LPIN2: variants seen among roughly 807,000 people sequenced by gnomAD.
LPIN2 encodes phosphatidate phosphatase LPIN2.
In LPIN2, 55 loss-of-function variants were observed where a neutral mutation model predicts 111.4. That is an observed-to-expected ratio of 0.49 (90% CI 0.40 to 0.62). The LOEUF is 0.62. LPIN2 is among the 20% of genes least tolerant of loss of function. LPIN2 has a pLI of 0.00. For missense variants in LPIN2, 992 were observed against 1,112.1 expected, an observed-to-expected ratio of 0.89 and a Z score of 1.54; for synonymous variants, 425 against 414.0, an observed-to-expected ratio of 1.03 and a Z score of -0.32.
rs183601206 is a variant in LPIN2, at chr18:3,010,594, C to T, written c.-10+2493G>A. Reference sequence around the variant, plus strand: ...GCAAGTCGGGCAAATACACACTCAACGACAGTCACTGGGGTCGGAGTAAAA... The same window carrying T: ...GCAAGTCGGGCAAATACACACTCAATGACAGTCACTGGGGTCGGAGTAAAA... On this transcript the variant is annotated intron_variant, in intron 1 of 19. Coordinates refer to ENST00000677752, the MANE Select transcript of LPIN2 (RefSeq NM_001375808.2). 1.7e-3 allele frequency among the ~76,000 whole-genome samples: 264 copies of T among 152,230 alleles called. 3 individuals are homozygous for T. Among genetic ancestry groups the T allele is most frequent in the East Asian group, 1.3e-3 (7 of 5,186 alleles).
At chr18:2,987,462 T>C (rs2143405769) in intron 1 of LPIN2, among the ~76,000 whole-genome samples, 1 of 152,342 alleles carries the variant, frequency 6.6e-6, no homozygotes, top group Admixed American at 6.5e-5. Flanking sequence ...TATCACAAAA[T>C]GTATCGGCAT....
At chr18:2,946,712 G>A in intron 4 of LPIN2, 2 of 594,758 alleles carry the variant, frequency 3.4e-6, no homozygotes. Flanking sequence ...AATTATAGGT[G>A]CAACATGAAT....
chr18:2,920,863 G>A lies in LPIN2; in HGVS notation c.2461C>T (p.Gln821Ter). 1 of 1,613,312 alleles carries A rather than the reference G, an allele frequency of 6.2e-7. No individual in the cohort carries two copies. ...NRPNDVYAYT[Q>*]VGVPDCRIFT... ...ATTCTACAGTCTGGAACTCCAACTT[G>A]TGTGTAGGCATAGACATCCTGCAGA... The change falls in exon 19 of 20, where the codon CAA becomes TAA. Residue 821 changes from glutamine to a stop codon, truncating the protein, a stop_gained. Transcript: ENST00000677752. LOFTEE classifies it high-confidence loss of function.
chr18:3,007,669 A>G (rs190054440), intron 1 of LPIN2, among the ~76,000 whole-genome samples: 2 of 152,326 alleles, frequency 1.3e-5, no homozygotes, highest in East Asian at 1.9e-4. Flanking sequence ...AGAAAAGCAC[A>G]TTGTTTTACA....
In LPIN2 at chr18:2,946,251, T is replaced by C. The variant is rs533346495; in HGVS notation, c.590+4804A>G. 5.2e-6 allele frequency: 8 copies of C among 1,551,984 alleles called. No individual in the cohort carries two copies. The Admixed American group carries it at 1.2e-4, about 23-fold the overall frequency. On this transcript the variant is annotated intron_variant, in intron 4 of 19. Transcript: ENST00000677752. ...GCGTCTACTGTCTTAGGGGCTTGAA[T>C]GTGTTCCTGAAATTTTGGTTTTAAT...
intron 1 of LPIN2, among the ~76,000 whole-genome samples, chr18:2,978,292 G>A (rs2078052259): frequency 6.6e-6 from 1 of 152,116 alleles, no homozygotes; most frequent in Non-Finnish European, 1.5e-5. Context: ...ATTACAAAAG[G>A]AAAAAATTTT....
At position 2,937,625 on chromosome 18, in the gene LPIN2, G is replaced by A. The variant is rs2077304883; in HGVS notation, c.1168+67C>T. The A allele has an allele frequency of 1.1e-5, 14 of 1,237,844 alleles. 1 individual carries two copies. Among genetic ancestry groups the A allele is most frequent in the South Asian group, 6.0e-5 (5 of 82,646 alleles). 76.7% of individuals were successfully genotyped at this position (1,237,844 alleles called of 1,614,324 possible). On this transcript the variant is annotated intron_variant, in intron 7 of 19. Transcript: ENST00000677752. ...AATACAGAGGCAGCCATCACGTTAT[G>A]TGGAACACTGAAATAATTTACCATC...
rs2077454364 is a variant in LPIN2, at chr18:2,946,532, G to GC, written c.590+4522dup. 3 of 1,550,592 alleles carry GC rather than the reference G, an allele frequency of 1.9e-6. No homozygotes were observed. The South Asian group carries it at 3.3e-5, about 17-fold the overall frequency. On this transcript the variant is annotated intron_variant, in intron 4 of 19. Transcript: ENST00000677752. ...GCAGCTCCGGTTGTAGCACAGCAAG[G>GC]CCATTTTTTTTCCCACTGTCACAGG...
At chr18:2,991,531 T>C (rs2078265254) in intron 1 of LPIN2, among the ~76,000 whole-genome samples, 1 of 151,852 alleles carries the variant, frequency 6.6e-6, no homozygotes, top group African/African-American at 2.4e-5. Context: ...GGCAACATAG[T>C]GAGACCCTGT....
chr18:2,924,660 C>T (rs2077104171), intron 14 of LPIN2, 114 bp from the exon 15 acceptor site: 9 of 1,128,852 alleles, frequency 8.0e-6, no homozygotes, highest in Non-Finnish European at 1.2e-5. Flanking sequence ...AGGATGGTTT[C>T]CGGGGTCTTA....
At chr18:2,991,252 A>G (rs1303069520) in intron 1 of LPIN2, among the ~76,000 whole-genome samples, 1 of 152,234 alleles carries the variant, frequency 6.6e-6, no homozygotes, top group Non-Finnish European at 1.5e-5. Context: ...GGACAAAAAA[A>G]GTGCAGTTTT....
intron 1 of LPIN2, among the ~76,000 whole-genome samples, chr18:3,011,295 T>C (rs2078598119): frequency 6.6e-6 from 1 of 152,238 alleles, no homozygotes; most frequent in Non-Finnish European, 1.5e-5. Flanking sequence ...AATGCGTGCC[T>C]ATTGACTCTC....
chr18:2,955,902 C>T (rs1034955050), intron 2 of LPIN2, among the ~76,000 whole-genome samples: 6 of 151,822 alleles, frequency 4.0e-5, no homozygotes, highest in African/African-American at 1.5e-4. Flanking sequence ...GCAACAAAAG[C>T]GAAACTCTCT....
chr18:2,938,181 A>G (rs1408965116), intron 6 of LPIN2, 144 bp from the exon 7 acceptor site: 1 of 681,358 alleles, frequency 1.5e-6, no homozygotes, highest in Non-Finnish European at 2.5e-6. Context: ...AAATTCCATA[A>G]TAAAGTGAGA....
chr18:2,963,430 C>A (rs1568579731), intron 1 of LPIN2, among the ~76,000 whole-genome samples: 1 of 151,400 alleles, frequency 6.6e-6, no homozygotes, highest in East Asian at 1.9e-4. Flanking sequence ...GAAAGCCACA[C>A]TCTGAACCAG....
chr18:2,952,552 A>G (rs888314262), intron 3 of LPIN2, among the ~76,000 whole-genome samples: 9 of 152,214 alleles, frequency 5.9e-5, no homozygotes, highest in Admixed American at 1.3e-4. Flanking sequence ...TTTGATAAAC[A>G]TATTACCCTG....
intron 13 of LPIN2, among the ~76,000 whole-genome samples, chr18:2,926,294 A>C (rs1051070447): frequency 7.9e-5 from 12 of 152,216 alleles, no homozygotes; most frequent in African/African-American, 2.7e-4. Context: ...AGAAGCAGGA[A>C]CACGGCGTAT....
At chr18:2,960,174 A>ATGTGTGTGTGTGTGTGTG (rs59457524) in intron 2 of LPIN2, among the ~76,000 whole-genome samples, 36 of 136,632 alleles carry the variant, frequency 2.6e-4, no homozygotes, top group Non-Finnish European at 3.9e-4. Flanking sequence ...CGACTCAAAA[A>ATGTGTGTGTGTGTGTGTG]TGTGTGTGTG....
intron 1 of LPIN2, among the ~76,000 whole-genome samples, chr18:2,961,311 T>C (rs1470579533): frequency 2.6e-5 from 4 of 152,170 alleles, no homozygotes; most frequent in African/African-American, 7.2e-5. Flanking sequence ...ACAGAACCAA[T>C]GTAATAAATT....
Sources: allele counts gnomAD v4.1 joint callset (sites outside exome capture counted in the v4.1 genomes callset), GRCh38; gene constraint gnomAD v4.1.1; transcripts MANE v1.5; gene names NCBI Gene and HGNC (gene_info 2026-07-23, HGNC 2026-07-21).